The following COLEC12 variants were observed in gnomAD, a reference collection of about 807,000 sequenced individuals.
COLEC12 encodes collectin subfamily member 12.
Under a neutral mutation model 71.1 loss-of-function variants are expected in COLEC12, and 33 were observed. The observed-to-expected ratio is 0.46, with a 90% CI of 0.35 to 0.62. The LOEUF (loss-of-function observed/expected upper bound fraction) is 0.62. Ranked by LOEUF, COLEC12 falls within the 20% of genes least tolerant of loss-of-function variation. The pLI, the probability that COLEC12 is intolerant of heterozygous loss-of-function variation, is 0.00. For missense variants in COLEC12, 765 were observed against 916.1 expected, an observed-to-expected ratio of 0.84 and a Z score of 2.13; for synonymous variants, 350 against 353.0, an observed-to-expected ratio of 0.99 and a Z score of 0.10.
chr18:360,178 C>CTTT (rs778619867), intron 2 of COLEC12, among the ~76,000 whole-genome samples: 88 of 141,634 alleles, frequency 6.2e-4, no homozygotes, highest in Middle Eastern at 7.3e-3. Flanking sequence ...ATTTGGATTT[C>CTTT]TTTTTTTTTT....
At chr18:355,623 C>T (rs761857383) in intron 3 of COLEC12, among the ~76,000 whole-genome samples, 13 of 152,140 alleles carry the variant, frequency 8.5e-5, no homozygotes, top group Admixed American at 2.0e-4. Context: ...ATTTGCCAAA[C>T]CACTCTCATC....
At chr18:468,049 G>A (rs915731239) in intron 2 of COLEC12, among the ~76,000 whole-genome samples, 21 of 152,198 alleles carry the variant, frequency 1.4e-4, no homozygotes, top group African/African-American at 4.8e-4. Context: ...GGATCACGAG[G>A]TCAGGAGTTC....
intron 1 of COLEC12, among the ~76,000 whole-genome samples, chr18:498,512 A>T (rs1312703034): frequency 6.6e-6 from 1 of 151,668 alleles, no homozygotes; most frequent in Non-Finnish European, 1.5e-5. Context: ...GGTGCCTGCC[A>T]CCACGCCCAG....
At chr18:351,163 T>C (rs1914512097) in intron 3 of COLEC12, among the ~76,000 whole-genome samples, 1 of 152,162 alleles carries the variant, frequency 6.6e-6, no homozygotes, top group Admixed American at 6.5e-5. Flanking sequence ...GATCCTGGAA[T>C]TGTCCCTGGA....
chr18:325,528 G>A (rs531116404), intron 8 of COLEC12, among the ~76,000 whole-genome samples: 20 of 151,538 alleles, frequency 1.3e-4, no homozygotes, highest in Middle Eastern at 3.4e-3. Context: ...GTATGTGTCC[G>A]GCTCCCGCAG....
In COLEC12 at chr18:346,539, G is replaced by A. The variant is rs773312898; in HGVS notation, c.1083C>T (p.Thr361=). 5 of 1,613,994 alleles carry A rather than the reference G, an allele frequency of 3.1e-6. No homozygotes were observed. Among genetic ancestry groups the A allele is most frequent in the African/African-American group, 2.7e-5 (2 of 74,906 alleles). The change falls in exon 5 of 10, where the codon ACC becomes ACT. Residue 361 remains threonine (T), a synonymous_variant. Transcript: ENST00000400256. This position sits in a 1 kb window ranked among gnomAD's most constrained non-coding sequence, Gnocchi z 4.0. ...TGGTCCTGACTTCATTTAGATTGCT[G>A]GTCAGCGTCCGCAGGTGGTGGGCTG... ...SYTAHHLRTL[T]SNLNEVRTTC...
chr18:455,653 C>G (rs750454432), intron 2 of COLEC12, among the ~76,000 whole-genome samples: 4 of 151,720 alleles, frequency 2.6e-5, no homozygotes, highest in South Asian at 2.1e-4. Context: ...CTTTGCCCCC[C>G]CCTCCCCTGA....
At chr18:483,900 G>A (rs879863686) in intron 1 of COLEC12, among the ~76,000 whole-genome samples, 6 of 152,162 alleles carry the variant, frequency 3.9e-5, no homozygotes, top group Non-Finnish European at 7.3e-5. Context: ...CAGCATCAGT[G>A]GTACCCAGAC....
intron 5 of COLEC12, among the ~76,000 whole-genome samples, chr18:338,492 A>T (rs1382731149): frequency 1.3e-5 from 2 of 152,178 alleles, no homozygotes; most frequent in Non-Finnish European, 2.9e-5. Flanking sequence ...CGAAATAATC[A>T]TAAGGAGATC....
chr18:404,095 T>C (rs1915739795), intron 2 of COLEC12, among the ~76,000 whole-genome samples: 1 of 152,254 alleles, frequency 6.6e-6, no homozygotes, highest in Admixed American at 6.5e-5. Context: ...TCACACACCA[T>C]GTCGCCGATG....
intron 5 of COLEC12, among the ~76,000 whole-genome samples, chr18:341,719 TC>T (rs1914256821): frequency 1.3e-5 from 2 of 152,338 alleles, no homozygotes; most frequent in South Asian, 4.1e-4. Context: ...TTAAGTACTT[TC>T]TTTATATTAC....
rs151037341 is a variant in COLEC12, at chr18:452,633, G to A, written c.58+28074C>T. On this transcript the variant is annotated intron_variant, in intron 2 of 9. Coordinates refer to ENST00000400256, the MANE Select transcript of COLEC12 (RefSeq NM_130386.3). ...GTGTTGGCTCTGGCAGGATTCTGTG[G>A]GAGGACGAAAGATCAGCTGCTATTA... Among the ~76,000 whole-genome samples the A allele has an allele frequency of 7.1e-3, 1,077 of 152,224 alleles. 8 individuals carry two copies. The highest frequency in any genetic ancestry group is 0.024 in the African/African-American group (983 of 41,524).
intron 2 of COLEC12, among the ~76,000 whole-genome samples, chr18:427,327 C>T (rs73944727): frequency 6.6e-6 from 1 of 150,434 alleles, no homozygotes; most frequent in African/African-American, 2.4e-5. Context: ...GCTACGCCAG[C>T]AATGCCAACA....
intron 5 of COLEC12, among the ~76,000 whole-genome samples, chr18:337,076 G>T (rs1217155037): frequency 2.7e-5 from 4 of 150,508 alleles, no homozygotes; most frequent in Non-Finnish European, 5.9e-5. Flanking sequence ...TCACTGTGTT[G>T]CCAAGGCTGA....
intron 2 of COLEC12, among the ~76,000 whole-genome samples, chr18:479,329 A>C (rs1264312747): frequency 6.6e-6 from 1 of 152,154 alleles, no homozygotes; most frequent in East Asian, 1.9e-4. Context: ...GAACCAACGC[A>C]GGAGAGATGA....
chr18:375,351 G>A (rs1334962013), intron 2 of COLEC12, among the ~76,000 whole-genome samples: 4 of 152,230 alleles, frequency 2.6e-5, no homozygotes, highest in East Asian at 3.8e-4. Flanking sequence ...ACACTCTCCT[G>A]TGGGTACCCT....
chr18:498,358 T>TATTC (rs200133407), intron 1 of COLEC12, among the ~76,000 whole-genome samples: 2 of 146,204 alleles, frequency 1.4e-5, no homozygotes, highest in Non-Finnish European at 3.0e-5. Flanking sequence ...TGGAATATTT[T>TATTC]TTTTCTTTTT....
At position 316,881 on chromosome 18, in the gene COLEC12, T is replaced by G. The variant is rs1234512980; in HGVS notation, c.*3164A>C. 3 of 151,188 alleles carry G rather than the reference T, an allele frequency of 2.0e-5. No homozygotes were observed. The East Asian group carries it at 5.8e-4, about 29-fold the overall frequency. 9.4% of individuals were successfully genotyped at this position (151,188 alleles called of 1,614,324 possible). On this transcript the variant is annotated 3_prime_UTR_variant, in exon 10 of 10. Coordinates refer to ENST00000400256, the MANE Select transcript of COLEC12 (RefSeq NM_130386.3). ...GCCTGAAGACCCCATCATATTTTAC[T>G]AAAACTCTCCACTCCAAAAGAGCAT... is the stretch of plus-strand genomic sequence containing the variant.
chr18:433,620 C>T (rs924308706), intron 2 of COLEC12, among the ~76,000 whole-genome samples: 88 of 152,068 alleles, frequency 5.8e-4, no homozygotes, highest in African/African-American at 2.1e-3. Flanking sequence ...ACAAAAAAGG[C>T]TTCCTAAGCC....
Sources: gnomAD v4.1 joint callset for allele counts (sites outside exome capture counted in the v4.1 genomes callset) on GRCh38, gnomAD v4.1.1 for gene constraint, Gnocchi (gnomAD v3.1) non-coding constraint, MANE v1.5 for transcripts, NCBI Gene and HGNC (gene_info 2026-07-23, HGNC 2026-07-21) for gene names.